Variants in MCOLN2 observed in about 807,000 individuals in gnomAD.
MCOLN2 encodes mucolipin TRP cation channel 2.
In MCOLN2, 57 loss-of-function variants were observed where a neutral mutation model predicts 67.5. That is an observed-to-expected ratio of 0.84 (90% CI 0.68 to 1.05). The LOEUF is 1.05. MCOLN2 is among the 50% of genes least tolerant of loss of function. The pLI is 0.00. For missense variants in MCOLN2, 620 were observed against 678.8 expected (o/e 0.91, Z 0.96); for synonymous variants, 246 against 233.3 (o/e 1.05, Z -0.50).
intron 1 of MCOLN2, among the ~76,000 whole-genome samples, chr1:84,987,579 T>TCTATGTATAC (rs1650656300): frequency 1.1e-5 from 1 of 88,756 alleles, no homozygotes; most frequent in African/African-American, 4.2e-5. Flanking sequence ...GATGTATACA[T>TCTATGTATAC]AGATATATAC....
At chr1:84,928,401 GC>G (rs1410752205) in intron 13 of MCOLN2, among the ~76,000 whole-genome samples, 2 of 152,018 alleles carry the variant, frequency 1.3e-5, no homozygotes, top group Admixed American at 6.6e-5. Flanking sequence ...TGGGGTCCAC[GC>G]CTTAAATCTT....
intron 1 of MCOLN2, among the ~76,000 whole-genome samples, chr1:84,981,503 C>A (rs1392917229): frequency 6.6e-6 from 1 of 152,140 alleles, no homozygotes; most frequent in African/African-American, 2.4e-5. Context: ...TCATTTGCAA[C>A]AACATGGATG....
intron 11 of MCOLN2, among the ~76,000 whole-genome samples, chr1:84,937,264 TG>T (rs1221619176): frequency 2.6e-5 from 4 of 152,246 alleles, no homozygotes; most frequent in Non-Finnish European, 5.9e-5. Flanking sequence ...GGCAGAAAGA[TG>T]ATGCTGTAAT....
At chr1:84,971,377 A>C (rs982295697) in intron 1 of MCOLN2, among the ~76,000 whole-genome samples, 1 of 152,156 alleles carries the variant, frequency 6.6e-6, no homozygotes, top group South Asian at 2.1e-4. Context: ...AAAAATTCTG[A>C]TATTTCAAGG....
In MCOLN2 at chr1:84,958,704, T is replaced by A; in HGVS notation, c.238-2A>T. On this transcript the variant is annotated splice_acceptor_variant, in intron 2 of 13. Transcript: ENST00000370608. LOFTEE classifies it high-confidence loss of function. ...GTTACTTAAACCAAAACGAACAAGCTAAAAAATAAAATAAAATAGAAACAC... is the reference window on the plus strand; with the variant it reads ...GTTACTTAAACCAAAACGAACAAGCAAAAAAATAAAATAAAATAGAAACAC... The A allele has an allele frequency of 6.4e-7, 1 of 1,564,650 alleles. No homozygotes were observed.
intron 1 of MCOLN2, among the ~76,000 whole-genome samples, chr1:84,979,987 A>T (rs1650173963): frequency 6.6e-6 from 1 of 152,266 alleles, no homozygotes; most frequent in African/African-American, 2.4e-5. Flanking sequence ...GTTGCAGGAC[A>T]CAATATCAAC....
intron 7 of MCOLN2, among the ~76,000 whole-genome samples, chr1:84,944,394 G>C (rs1015443166): frequency 5.9e-5 from 9 of 152,106 alleles, no homozygotes; most frequent in Non-Finnish European, 1.3e-4. Context: ...ATAGTCGGGC[G>C]TGGTGGGGTG....
At chr1:84,932,248 T>G (rs1335424943) in intron 11 of MCOLN2, among the ~76,000 whole-genome samples, 3 of 152,174 alleles carry the variant, frequency 2.0e-5, no homozygotes, top group African/African-American at 7.2e-5. Context: ...AGAGTCTTAC[T>G]CTGCCACCCA....
At chr1:84,958,475 G>A in intron 3 of MCOLN2, 54 bp downstream of exon 3, 1 of 1,425,772 alleles carries the variant, frequency 7.0e-7, no homozygotes, top group Non-Finnish European at 9.4e-7. Context: ...GCTAAGACAA[G>A]GCCAAGTATC....
chr1:84,937,907 A>T, intron 10 of MCOLN2, 30 bp from the exon 11 acceptor site: 3 of 1,613,978 alleles, frequency 1.9e-6, no homozygotes, highest in Non-Finnish European at 2.5e-6. Context: ...GGGTGAAATG[A>T]AAAAGTAGCT....
At chr1:84,942,657 C>T (rs1385241311) in intron 7 of MCOLN2, among the ~76,000 whole-genome samples, 4 of 152,146 alleles carry the variant, frequency 2.6e-5, no homozygotes, top group Non-Finnish European at 5.9e-5. Context: ...AGTTACTTGT[C>T]TCCTCCAAAA....
At chr1:84,930,628 A>G (rs151097379) in intron 12 of MCOLN2, among the ~76,000 whole-genome samples, 266 of 152,240 alleles carry the variant, frequency 1.7e-3, no homozygotes, top group South Asian at 4.4e-3. Flanking sequence ...ACACTTACTT[A>G]TCTTCCCACA....
rs757308860 is a variant in MCOLN2, at chr1:84,926,735, G to A, written c.1665-14C>T. ...TCACTTCTTTTCCTGTAACAGAAAG[G>A]GAAAGAAGAAAAGAGGAAAGATACA... On this transcript the variant is annotated splice_polypyrimidine_tract_variant and intron_variant, in intron 13 of 13. Transcript: ENST00000370608. The A allele has an allele frequency of 4.4e-6, 7 of 1,585,366 alleles. No homozygotes were observed. The African/African-American group carries it at 6.7e-5, about 15-fold the overall frequency.
chr1:84,956,699 A>C, intron 3 of MCOLN2, 115 bp from the exon 4 acceptor site: 1 of 808,260 alleles, frequency 1.2e-6, no homozygotes, highest in East Asian at 2.9e-5. Flanking sequence ...CATGGCTCTC[A>C]ATAGAACTTC....
chr1:84,930,262 C>CT (rs200254741), intron 12 of MCOLN2, among the ~76,000 whole-genome samples: 88 of 147,762 alleles, frequency 6.0e-4, no homozygotes, highest in African/African-American at 1.9e-3. Context: ...GACCCTCTCT[C>CT]TTTTTTTAAA....
intron 11 of MCOLN2, 48 bp from the exon 12 acceptor site, chr1:84,931,616 A>G: frequency 6.9e-7 from 1 of 1,459,628 alleles, no homozygotes; most frequent in Non-Finnish European, 9.6e-7. Flanking sequence ...TATTCTAAAA[A>G]GCAGAGGATA....
intron 12 of MCOLN2, among the ~76,000 whole-genome samples, chr1:84,931,148 C>G (rs569843146): frequency 7.7e-4 from 117 of 152,154 alleles, no homozygotes; most frequent in Admixed American, 2.5e-3. Context: ...TACCCCATTT[C>G]CCTTTTCTTT....
rs373225967 is a variant in MCOLN2 at position 84,931,551 on chromosome 1, T to G, written c.1353A>C (p.Thr451=). ...PYHDKFENLN[T]VAECLFSLVN... ...CCAGAGAAAACAGACACTCAGCAACTGTGTTCAGATTTTCAAACTGTAGGG... is the reference window on the plus strand; with the variant it reads ...CCAGAGAAAACAGACACTCAGCAACGGTGTTCAGATTTTCAAACTGTAGGG... Residue 451 remains threonine, a synonymous_variant, in exon 12 of 14, where the codon ACA becomes ACC. Coordinates refer to ENST00000370608, the MANE Select transcript of MCOLN2 (RefSeq NM_153259.4). The G allele has an allele frequency of 6.4e-5, 104 of 1,613,796 alleles. No individual in the cohort carries two copies. The highest frequency in any genetic ancestry group is 8.0e-5 in the Non-Finnish European group (94 of 1,179,884).
Position 84,925,889 on chromosome 1 carries a change from G to A in MCOLN2, c.*796C>T, listed in dbSNP as rs1661134513. On this transcript the variant is annotated 3_prime_UTR_variant, in exon 14 of 14. Coordinates refer to ENST00000370608, the MANE Select transcript of MCOLN2 (RefSeq NM_153259.4). ...ATGAGGTCTTTTTGTTGATTTAAGGGTGATTTTTTTTTTTTTTTGAGACAG... is the reference window on the plus strand; with the variant it reads ...ATGAGGTCTTTTTGTTGATTTAAGGATGATTTTTTTTTTTTTTTGAGACAG... 1 of 148,820 alleles carries A rather than the reference G, an allele frequency of 6.7e-6. No homozygotes were observed. The allele number at this position is 148,820 out of a possible 1,614,324, so 9.2% of individuals were successfully genotyped here.
Sources: gnomAD v4.1 joint callset for allele counts (sites outside exome capture counted in the v4.1 genomes callset) on GRCh38, gnomAD v4.1.1 for gene constraint, MANE v1.5 for transcripts, NCBI Gene and HGNC (gene_info 2026-07-23, HGNC 2026-07-21) for gene names.